Variants in EGFLAM observed in about 807,000 individuals in gnomAD.
The protein encoded by EGFLAM is pikachurin.
A neutral mutation model predicts 113.1 loss-of-function variants in EGFLAM; 79 were observed. The observed-to-expected ratio is 0.70, with a 90% CI of 0.58 to 0.84. The LOEUF (loss-of-function observed/expected upper bound fraction) is 0.84. EGFLAM is among the 40% of genes least tolerant of loss of function. EGFLAM has a pLI of 0.00. For missense variants in EGFLAM, 1,265 were observed against 1,291.6 expected (o/e 0.98, Z 0.32); for synonymous variants, 504 against 487.6 (o/e 1.03, Z -0.44).
chr5:38,435,758 T>C (rs1359537695), intron 16 of EGFLAM, among the ~76,000 whole-genome samples: 1 of 151,102 alleles, frequency 6.6e-6, no homozygotes, highest in African/African-American at 2.4e-5. Context: ...CCCTAGAAGG[T>C]TCAGGAAAAA....
chr5:38,409,142 A>G (rs1227304252), intron 10 of EGFLAM, 38 bp downstream of exon 10: 2 of 1,434,628 alleles, frequency 1.4e-6, no homozygotes, highest in African/African-American at 2.9e-5. Context: ...TTTTTTTGTT[A>G]CATTATCTTA....
intron 12 of EGFLAM, among the ~76,000 whole-genome samples, chr5:38,424,061 C>A (rs1741921310): frequency 6.6e-6 from 1 of 152,158 alleles, no homozygotes; most frequent in Admixed American, 6.5e-5. Flanking sequence ...GAGGCACGCC[C>A]TTCTACCTCC....
chr5:38,337,170 C>T (rs1363891943), intron 1 of EGFLAM, among the ~76,000 whole-genome samples: 1 of 152,036 alleles, frequency 6.6e-6, no homozygotes, highest in Non-Finnish European at 1.5e-5. Flanking sequence ...TACAAATGTG[C>T]CTGTCATCTT....
intron 1 of EGFLAM, among the ~76,000 whole-genome samples, chr5:38,316,992 C>G (rs2111879708): frequency 6.6e-6 from 1 of 152,216 alleles, no homozygotes; most frequent in Non-Finnish European, 1.5e-5. Flanking sequence ...TTGCTTCCGG[C>G]AATGTTCCGG....
At chr5:38,320,992 T>A (rs2589801) in intron 1 of EGFLAM, among the ~76,000 whole-genome samples, 3,699 of 152,216 alleles carry the variant, frequency 0.024, 179 homozygotes, top group African/African-American at 0.084. Context: ...GACAGTTTTT[T>A]TCCATGGATG....
chr5:38,355,312 G>T (rs1739737332), intron 5 of EGFLAM, among the ~76,000 whole-genome samples: 2 of 152,148 alleles, frequency 1.3e-5, no homozygotes, highest in Admixed American at 1.3e-4. Flanking sequence ...TTTCAACATT[G>T]CTCCTGAGGG....
At position 38,407,877 on chromosome 5, in the gene EGFLAM, A is replaced by T; in HGVS notation, c.1220A>T (p.Gln407Leu). The T allele has an allele frequency of 6.2e-7, 1 of 1,613,486 alleles. No individual in the cohort carries two copies. Among genetic ancestry groups the T allele is most frequent in the Non-Finnish European group, 8.5e-7 (1 of 1,179,454 alleles). ...TTTGAACCTCTGAAGAATTCTTATCAGGCATTTCAAATTACTCTTGAATTT... is the reference window on the plus strand; with the variant it reads ...TTTGAACCTCTGAAGAATTCTTATCTGGCATTTCAAATTACTCTTGAATTT... Reference protein sequence around the residue: ...VTFEPLKNSYQAFQITLEFRA... With the variant: ...VTFEPLKNSYLAFQITLEFRA... Residue 407 changes from glutamine (Q) to leucine (L), a missense_variant, in exon 9 of 22, where the codon CAG (glutamine) becomes CTG (leucine). Gln to Leu is a moderately radical substitution (Grantham distance 113). Coordinates refer to ENST00000322350, the MANE Select transcript of EGFLAM (RefSeq NM_152403.4).
intron 1 of EGFLAM, among the ~76,000 whole-genome samples, chr5:38,299,879 G>A (rs1561268828): frequency 6.6e-6 from 1 of 152,152 alleles, no homozygotes; most frequent in Non-Finnish European, 1.5e-5. Flanking sequence ...TGTATTATGT[G>A]CTGGGCAGTG....
chr5:38,272,208 G>T (rs1414449276), intron 1 of EGFLAM, among the ~76,000 whole-genome samples: 1 of 152,190 alleles, frequency 6.6e-6, no homozygotes, highest in Non-Finnish European at 1.5e-5. Context: ...TCAATACCTA[G>T]AGAACAGGTA....
chr5:38,417,367 A>C lies in EGFLAM; in HGVS notation c.1495-699A>C, dbSNP rs1053243062. On this transcript the variant is annotated intron_variant, in intron 11 of 21. Coordinates refer to ENST00000322350, the MANE Select transcript of EGFLAM (RefSeq NM_152403.4). ...TGTCTCAAAAAAAAAAAAAAAAAAA[A>C]AACAAAAAAAAAAGGCCAAGGGTGA... Among the ~76,000 whole-genome samples, 539 of 149,756 alleles carry C rather than the reference A, an allele frequency of 3.6e-3. 1 individual carries two copies. The highest frequency in any genetic ancestry group is 0.012 in the African/African-American group (486 of 39,728).
At chr5:38,279,909 T>TGTTAA (rs1757973304) in intron 1 of EGFLAM, among the ~76,000 whole-genome samples, 1 of 152,132 alleles carries the variant, frequency 6.6e-6, no homozygotes, top group African/African-American at 2.4e-5. Flanking sequence ...GTAATGCATT[T>TGTTAA]GTTAACTAGC....
At chr5:38,262,722 A>G (rs1198533470) in intron 1 of EGFLAM, among the ~76,000 whole-genome samples, 2 of 152,194 alleles carry the variant, frequency 1.3e-5, no homozygotes, top group Non-Finnish European at 2.9e-5. Context: ...TTGTTTAACC[A>G]TTTGCTAGTT....
intron 1 of EGFLAM, among the ~76,000 whole-genome samples, chr5:38,269,609 C>T (rs1757719217): frequency 1.3e-5 from 2 of 151,890 alleles, no homozygotes; most frequent in Admixed American, 1.3e-4. Context: ...CCTGCCTCAG[C>T]CTCCCGAGTA....
At chr5:38,401,384 T>C (rs1000863709) in intron 6 of EGFLAM, among the ~76,000 whole-genome samples, 8 of 152,238 alleles carry the variant, frequency 5.3e-5, no homozygotes, top group African/African-American at 1.7e-4. Context: ...TCATATTATC[T>C]GATTCTAGAG....
rs148286338 is a variant in EGFLAM at position 38,305,619 on chromosome 5, T to C, written c.98-31901T>C. 1.4e-3 allele frequency: 352 copies of C among 244,822 alleles called. 2 individuals carry two copies. The highest frequency in any genetic ancestry group is 7.5e-3 in the African/African-American group (328 of 43,768). The allele number at this position is 244,822 out of a possible 1,614,324, so 15.2% of individuals were successfully genotyped here. On this transcript the variant is annotated intron_variant, in intron 1 of 21. Transcript: ENST00000322350. ...AGGCAACCAGTCCAACTGGAACAGG[T>C]CAGTAGGCTCTGGATGAAACTTATT...
At chr5:38,458,705 G>A (rs1743170854) in intron 20 of EGFLAM, among the ~76,000 whole-genome samples, 1 of 152,154 alleles carries the variant, frequency 6.6e-6, no homozygotes, top group Non-Finnish European at 1.5e-5. Context: ...TTTGGGCCGG[G>A]CATGGTGGCT....
rs1232044947 is a variant in EGFLAM, at chr5:38,385,278, A to AC, written c.712+14828dup. ...TTGATTCAAGGACTGTTTCCCACCCACCCCCCCCCCCCGCCCCCGCCACCG... is the reference window on the plus strand; with the variant it reads ...TTGATTCAAGGACTGTTTCCCACCCACCCCCCCCCCCCCGCCCCCGCCACCG... On this transcript the variant is annotated intron_variant, in intron 6 of 21. Coordinates refer to ENST00000322350, the MANE Select transcript of EGFLAM (RefSeq NM_152403.4). 6.7e-3 allele frequency among the ~76,000 whole-genome samples: 276 copies of AC among 41,006 alleles called. 5 individuals carry two copies. The highest frequency in any genetic ancestry group is 0.03 in the East Asian group (19 of 630). 26.9% of individuals were successfully genotyped at this position (41,006 alleles called of 152,430 possible). A position where few individuals can be genotyped will look rare whatever the true frequency, so the allele number is the denominator to read the frequency against.
At chr5:38,450,835 C>T (rs952852141) in intron 18 of EGFLAM, among the ~76,000 whole-genome samples, 4 of 152,174 alleles carry the variant, frequency 2.6e-5, no homozygotes, top group African/African-American at 4.8e-5. Context: ...TTGTCTGAGA[C>T]GCCATCGCTT....
intron 12 of EGFLAM, among the ~76,000 whole-genome samples, chr5:38,419,742 A>G (rs2112167464): frequency 6.6e-6 from 1 of 152,322 alleles, no homozygotes; most frequent in South Asian, 2.1e-4. Flanking sequence ...GATAAGAACC[A>G]ATGGGGCTGG....
Sources: allele counts gnomAD v4.1 joint callset (sites outside exome capture counted in the v4.1 genomes callset), GRCh38; gene constraint gnomAD v4.1.1; transcripts MANE v1.5; gene names NCBI Gene and HGNC (gene_info 2026-07-23, HGNC 2026-07-21).